RIMS2: variants seen among roughly 807,000 people sequenced by gnomAD.
The protein encoded by RIMS2 is regulating synaptic membrane exocytosis 2.
RIMS2 carries 59 observed loss-of-function variants against 174.4 expected under a neutral mutation model. The ratio of observed to expected loss-of-function variants is 0.34; its 90% CI spans 0.27 to 0.42. The LOEUF (loss-of-function observed/expected upper bound fraction) is 0.42. Among genes scored for constraint, RIMS2 ranks in the 10% least tolerant of loss-of-function variants. The pLI is 1.00. For synonymous variants in RIMS2, 606 were observed against 572.5 expected (o/e 1.06, Z -0.84); for missense variants, 1,620 against 1,666.3 (o/e 0.97, Z 0.48).
chr8:104,061,503 T>G (rs544052763), intron 19 of RIMS2, among the ~76,000 whole-genome samples: 23 of 151,912 alleles, frequency 1.5e-4, no homozygotes, highest in African/African-American at 5.5e-4. Flanking sequence ...TTAACCCAAA[T>G]AAGAAATCAA....
chr8:103,708,717 G>A (rs994871784), intron 2 of RIMS2, among the ~76,000 whole-genome samples: 15 of 152,030 alleles, frequency 9.9e-5, no homozygotes, highest in African/African-American at 3.4e-4. Flanking sequence ...GCATAATGTA[G>A]CATTTTTCAC....
At chr8:103,535,627 T>C (rs1839399776) in intron 1 of RIMS2, among the ~76,000 whole-genome samples, 1 of 152,206 alleles carries the variant, frequency 6.6e-6, no homozygotes, top group Non-Finnish European at 1.5e-5. Context: ...CTTCAGTTCT[T>C]CCCAAACTGT....
chr8:103,571,182 C>T (rs564777690), intron 1 of RIMS2, among the ~76,000 whole-genome samples: 16 of 152,250 alleles, frequency 1.1e-4, no homozygotes, highest in African/African-American at 3.6e-4. Context: ...GTGTTTGGTA[C>T]ATACTATGTA....
At chr8:104,121,886 G>T (rs993093103) in intron 19 of RIMS2, among the ~76,000 whole-genome samples, 2 of 152,124 alleles carry the variant, frequency 1.3e-5, no homozygotes, top group Admixed American at 6.6e-5. Flanking sequence ...ACTTGAATCC[G>T]GAAGGCGGAG....
In RIMS2 at chr8:104,092,245, G is replaced by T. The variant is rs1045190003; in HGVS notation, c.3334+77630G>T. Among the ~76,000 whole-genome samples the T allele has an allele frequency of 2.0e-5, 3 of 151,746 alleles. No homozygotes were observed. In the East Asian group the frequency reaches 5.8e-4, roughly 29 times the overall value. ...ACTTGCAATGAATTGTCATTCGTGG[G>T]GGATTGTTTATTAAGTAATTATTCT... On this transcript the variant is annotated intron_variant, in intron 19 of 23. Coordinates refer to ENST00000504942, the Ensembl canonical transcript of RIMS2.
chr8:104,045,980 T>A (rs1477313625), intron 19 of RIMS2, among the ~76,000 whole-genome samples: 1 of 152,038 alleles, frequency 6.6e-6, no homozygotes, highest in Admixed American at 6.6e-5. Context: ...CTTCTAAAAA[T>A]TAATACAATT....
At chr8:104,106,037 C>CAAAAAAAAAAAAAAAA (rs575916023) in intron 19 of RIMS2, among the ~76,000 whole-genome samples, 16 of 56,912 alleles carry the variant, frequency 2.8e-4, no homozygotes, top group African/African-American at 7.7e-4. Context: ...GACTCTGCCA[C>CAAAAAAAAAAAAAAAA]AAAAAAAAAA....
intron 2 of RIMS2, among the ~76,000 whole-genome samples, chr8:103,726,486 T>C (rs1475934177): frequency 6.6e-6 from 1 of 152,024 alleles, no homozygotes; most frequent in Non-Finnish European, 1.5e-5. Context: ...ATTCCCTTGC[T>C]ATACTTTTTT....
intron 19 of RIMS2, among the ~76,000 whole-genome samples, chr8:104,097,581 A>G (rs2097783981): frequency 6.6e-6 from 1 of 151,830 alleles, no homozygotes; most frequent in Non-Finnish European, 1.5e-5. Context: ...TAGCATCACC[A>G]GAACACCTAT....
rs1588655347 is a variant in RIMS2 at position 103,600,279 on chromosome 8, CTTTTT to C, written c.177-96805_177-96801del. Among the ~76,000 whole-genome samples, 10 of 151,806 alleles carry C rather than the reference CTTTTT, an allele frequency of 6.6e-5. No individual in the cohort carries two copies. In the South Asian group the frequency reaches 1.5e-3, roughly 22 times the overall value. On this transcript the variant is annotated intron_variant, in intron 1 of 23. Coordinates refer to ENST00000504942, the Ensembl canonical transcript of RIMS2. ...CTACATTTTCTTTCTTTCTTTCTTT[CTTTTT>C]TCTGAGACAGAGTCTCAGTCTGTCA...
At chr8:103,896,523 G>A (rs2099278704) in intron 4 of RIMS2, among the ~76,000 whole-genome samples, 2 of 151,608 alleles carry the variant, frequency 1.3e-5, no homozygotes, top group Non-Finnish European at 2.9e-5. Flanking sequence ...AATTTTTCAA[G>A]ACTTATACTT....
At chr8:104,102,622 G>A (rs371567955) in intron 19 of RIMS2, among the ~76,000 whole-genome samples, 1 of 152,212 alleles carries the variant, frequency 6.6e-6, no homozygotes, top group South Asian at 2.1e-4. Context: ...TTGACTCATA[G>A]TTCCACATGC....
intron 19 of RIMS2, among the ~76,000 whole-genome samples, chr8:104,195,701 G>A (rs2099020844): frequency 6.6e-6 from 1 of 151,970 alleles, no homozygotes; most frequent in Non-Finnish European, 1.5e-5. Context: ...TTTTAGTAGA[G>A]ATGGGGATTC....
At chr8:103,688,337 A>G (rs561046229) in intron 1 of RIMS2, among the ~76,000 whole-genome samples, 1 of 152,204 alleles carries the variant, frequency 6.6e-6, no homozygotes, top group Admixed American at 6.5e-5. Context: ...CTTTTTCTGC[A>G]TCTATTAAAA....
chr8:104,223,502 G>T, intron 19 of RIMS2: 1 of 1,392,830 alleles, frequency 7.2e-7, no homozygotes, highest in Non-Finnish European at 9.3e-7. Context: ...CCTCCGGGCT[G>T]GGTCAGGGAG....
chr8:104,049,786 A>G (rs1187489375), intron 19 of RIMS2, among the ~76,000 whole-genome samples: 1 of 152,256 alleles, frequency 6.6e-6, no homozygotes, highest in African/African-American at 2.4e-5. Context: ...GACATAGTCT[A>G]CCACTTTTCT....
chr8:103,575,795 G>C (rs780644800), intron 1 of RIMS2, among the ~76,000 whole-genome samples: 12 of 151,736 alleles, frequency 7.9e-5, no homozygotes, highest in Non-Finnish European at 1.6e-4. Flanking sequence ...AAAAAACTCT[G>C]AACGGATTAA....
chr8:103,685,088 C>T (rs1393774012), intron 1 of RIMS2, among the ~76,000 whole-genome samples: 1 of 147,258 alleles, frequency 6.8e-6, no homozygotes, highest in Non-Finnish European at 1.5e-5. Flanking sequence ...GTTTTTTACA[C>T]ATGGATTTTC....
At chr8:103,697,616 T>C (rs2097121858) in intron 2 of RIMS2, among the ~76,000 whole-genome samples, 1 of 151,574 alleles carries the variant, frequency 6.6e-6, no homozygotes, top group Non-Finnish European at 1.5e-5. Flanking sequence ...TAGTCCTAGC[T>C]ACTCAGGAGG....
Sources: allele counts gnomAD v4.1 joint callset (sites outside exome capture counted in the v4.1 genomes callset), GRCh38; gene constraint gnomAD v4.1.1; transcripts MANE v1.5; gene names NCBI Gene and HGNC (gene_info 2026-07-23, HGNC 2026-07-21).